Variants in CFAP61 observed in about 807,000 individuals in gnomAD.
CFAP61 encodes the protein cilia and flagella associated protein 61.
CFAP61 carries 107 observed loss-of-function variants against 135.6 expected under a neutral mutation model. The ratio of observed to expected loss-of-function variants is 0.79; its 90% confidence interval spans 0.67 to 0.93. The LOEUF (loss-of-function observed/expected upper bound fraction) is 0.93, where lower values mean the gene tolerates loss of function less well. Among genes scored for constraint, CFAP61 ranks in the 40% least tolerant of loss-of-function variants. The pLI is 0.00. For missense variants in CFAP61, 1,507 were observed against 1,556.2 expected (o/e 0.97, Z 0.53); for synonymous variants, 575 against 578.5 (o/e 0.99, Z 0.09).
At chr20:20,141,016 A>T (rs2424270) in intron 8 of CFAP61, among the ~76,000 whole-genome samples, 1 of 151,606 alleles carries the variant, frequency 6.6e-6, no homozygotes, top group Non-Finnish European at 1.5e-5. Context: ...TCCGCCTCCC[A>T]GGTTCAAGTG....
chr20:20,312,163 A>G (rs1410223012), intron 25 of CFAP61, among the ~76,000 whole-genome samples: 1 of 152,222 alleles, frequency 6.6e-6, no homozygotes, highest in Non-Finnish European at 1.5e-5. Flanking sequence ...GAAACAAGAA[A>G]ATACAACCCA....
chr20:20,254,829 ATTG>A (rs1209312811), intron 20 of CFAP61, among the ~76,000 whole-genome samples: 2 of 152,228 alleles, frequency 1.3e-5, no homozygotes, highest in Non-Finnish European at 2.9e-5. Context: ...CTCACTCTAA[ATTG>A]TTGTGTAATG....
chr20:20,339,886 G>A lies in CFAP61; in HGVS notation c.3423-1945G>A, dbSNP rs187174285. Among the ~76,000 whole-genome samples the A allele has an allele frequency of 2.5e-4, 38 of 152,300 alleles. No individual in the cohort carries two copies. In the East Asian group the frequency reaches 7.1e-3, roughly 29 times the overall value. Reference sequence around the variant, plus strand: ...TACGATCAATTGTAAAATAGGTTTGGTTAAATTCAGAGCTTTTCCAGTTTG... The same window carrying A: ...TACGATCAATTGTAAAATAGGTTTGATTAAATTCAGAGCTTTTCCAGTTTG... On this transcript the variant is annotated intron_variant, in intron 25 of 26. Transcript: ENST00000245957.
chr20:20,175,947 A>G (rs959288987), intron 13 of CFAP61, among the ~76,000 whole-genome samples: 2 of 152,164 alleles, frequency 1.3e-5, no homozygotes, highest in Non-Finnish European at 2.9e-5. Context: ...AAATTTTTGC[A>G]ATCTATCCAT....
intron 8 of CFAP61, among the ~76,000 whole-genome samples, chr20:20,118,253 GTTTCTTTCTTTCTTTCTTTCTTTCTTTC>G (rs148875515): frequency 2.3e-4 from 32 of 138,610 alleles, no homozygotes; most frequent in Admixed American, 9.5e-4. Context: ...TTTGAGGTAT[GTTTCTTTCTTTCTTTCTTTCTTTCTTTC>G]TTTCTTTCTT....
intron 25 of CFAP61, among the ~76,000 whole-genome samples, chr20:20,319,236 A>T (rs2057307801): frequency 1.3e-5 from 2 of 152,260 alleles, no homozygotes; most frequent in Non-Finnish European, 2.9e-5. Context: ...AAAGCAGGTC[A>T]CTTAGAAAGG....
intron 13 of CFAP61, among the ~76,000 whole-genome samples, chr20:20,182,409 G>A (rs1215270877): frequency 1.3e-5 from 2 of 152,090 alleles, no homozygotes; most frequent in African/African-American, 4.8e-5. Context: ...CATAACAATT[G>A]GTCCGCTTCT....
chr20:20,122,583 T>C (rs2049741409), intron 8 of CFAP61, among the ~76,000 whole-genome samples: 1 of 152,272 alleles, frequency 6.6e-6, no homozygotes, highest in Non-Finnish European at 1.5e-5. Flanking sequence ...TCCAGGTAGC[T>C]GCAAATGCTG....
At chr20:20,107,100 A>C (rs1277732160) in intron 8 of CFAP61, among the ~76,000 whole-genome samples, 1 of 152,184 alleles carries the variant, frequency 6.6e-6, no homozygotes, top group Non-Finnish European at 1.5e-5. Context: ...AGTGGGTCAC[A>C]CCCATTGCAC....
intron 25 of CFAP61, among the ~76,000 whole-genome samples, chr20:20,340,261 A>AT (rs1257339698): frequency 1.3e-5 from 2 of 152,106 alleles, no homozygotes; most frequent in African/African-American, 4.8e-5. Flanking sequence ...GGACACTAGG[A>AT]TTTTTTTCAA....
At chr20:20,323,005 G>C in intron 25 of CFAP61, 1 of 985,428 alleles carries the variant, frequency 1.0e-6, no homozygotes, top group Non-Finnish European at 1.2e-6. Context: ...AATAATGTCA[G>C]ATGGCCCTTC....
chr20:20,221,455 A>T (rs1431004881), intron 17 of CFAP61, among the ~76,000 whole-genome samples: 1 of 152,240 alleles, frequency 6.6e-6, no homozygotes, highest in Non-Finnish European at 1.5e-5. Flanking sequence ...TATCAATTAT[A>T]AGATGTACCT....
chr20:20,298,126 C>A, intron 24 of CFAP61, 55 bp from the exon 25 acceptor site: 1 of 1,302,638 alleles, frequency 7.7e-7, no homozygotes, highest in Non-Finnish European at 1.1e-6. Flanking sequence ...GATAAAGTTC[C>A]CAAAATCCAG....
chr20:20,070,170 T>C (rs1480145693), intron 2 of CFAP61, among the ~76,000 whole-genome samples: 1 of 152,156 alleles, frequency 6.6e-6, no homozygotes, highest in Non-Finnish European at 1.5e-5. Context: ...AAAGCCTGCT[T>C]CTCCTCTCTT....
intron 25 of CFAP61, among the ~76,000 whole-genome samples, chr20:20,336,351 A>T (rs916211601): frequency 3.3e-5 from 5 of 152,204 alleles, no homozygotes; most frequent in Admixed American, 2.0e-4. Context: ...AATGTAAAGA[A>T]AATTTTGGGC....
intron 19 of CFAP61, among the ~76,000 whole-genome samples, chr20:20,250,237 T>G (rs377246189): frequency 1.3e-5 from 2 of 152,214 alleles, no homozygotes; most frequent in East Asian, 3.8e-4. Context: ...TTCTGTCTCA[T>G]TAATATTATT....
intron 8 of CFAP61, among the ~76,000 whole-genome samples, chr20:20,124,576 C>G (rs1445458311): frequency 6.6e-6 from 1 of 151,660 alleles, no homozygotes; most frequent in South Asian, 2.1e-4. Context: ...TCCCTGCATC[C>G]CTGGTATGAA....
rs563891274 is a variant in CFAP61 at position 20,060,557 on chromosome 20, A to G, written c.143+3761A>G. ...TTGGGAGGAGCATGATTAGAATGAA[A>G]GAATCCTTCAGGTTTTATTTAAGAT... is the stretch of plus-strand genomic sequence containing the variant. On this transcript the variant is annotated intron_variant, in intron 2 of 26. Transcript: ENST00000245957. Among the ~76,000 whole-genome samples, 8 of 152,346 alleles carry G rather than the reference A, an allele frequency of 5.3e-5. No homozygotes were observed. In the South Asian group the frequency reaches 1.4e-3, roughly 28 times the overall value.
intron 8 of CFAP61, among the ~76,000 whole-genome samples, chr20:20,140,985 C>A (rs964213620): frequency 1.3e-5 from 2 of 150,690 alleles, no homozygotes; most frequent in African/African-American, 4.9e-5. Flanking sequence ...TGCAGTGGCA[C>A]AATCTTGACT....
Sources: allele counts gnomAD v4.1 joint callset (sites outside exome capture counted in the v4.1 genomes callset), GRCh38; gene constraint gnomAD v4.1.1; transcripts MANE v1.5; gene names NCBI Gene and HGNC (gene_info 2026-07-23, HGNC 2026-07-21).